USP6NL: variants seen among roughly 807,000 people sequenced by gnomAD.
The protein encoded by USP6NL is USP6 N-terminal like.
USP6NL carries 26 observed loss-of-function variants against 61.9 expected under a neutral mutation model. That is an observed-to-expected ratio of 0.42 (90% CI 0.31 to 0.58). USP6NL has a LOEUF of 0.58. Ranked by LOEUF, USP6NL falls within the 20% of genes least tolerant of loss-of-function variation. The pLI is 0.16. For synonymous variants in USP6NL, 432 were observed against 390.1 expected, an observed-to-expected ratio of 1.11 and a Z score of -1.27; for missense variants, 1,114 against 1,034.3, an observed-to-expected ratio of 1.08 and a Z score of -1.06.
intron 2 of USP6NL, among the ~76,000 whole-genome samples, chr10:11,580,195 T>C (rs1483899931): frequency 6.6e-6 from 1 of 152,206 alleles, no homozygotes; most frequent in African/African-American, 2.4e-5. Flanking sequence ...TCTGAAGCTT[T>C]CCTATTATAG....
In USP6NL at chr10:11,510,737, T is replaced by C. The variant is rs1229069643; in HGVS notation, c.196-1062A>G. 1.3e-5 allele frequency among the ~76,000 whole-genome samples: 2 copies of C among 152,266 alleles called. No individual in the cohort carries two copies. The highest frequency in any genetic ancestry group is 1.3e-4 in the Admixed American group (2 of 15,286). Reference sequence around the variant, plus strand: ...TTTATACTCAAGGATGCATGCTCACTGCAACCCCACGAGGTAGGTATGATT... The same window carrying C: ...TTTATACTCAAGGATGCATGCTCACCGCAACCCCACGAGGTAGGTATGATT... On this transcript the variant is annotated intron_variant, in intron 5 of 14. Transcript: ENST00000609104. This position sits in a 1 kb window ranked among gnomAD's most constrained non-coding sequence, Gnocchi z 4.8.
chr10:11,579,025 A>G (rs1323109624), intron 2 of USP6NL, among the ~76,000 whole-genome samples: 1 of 152,240 alleles, frequency 6.6e-6, no homozygotes, highest in Non-Finnish European at 1.5e-5. Flanking sequence ...GTTGTTAAAC[A>G]TTTACCAGCA....
intron 5 of USP6NL, among the ~76,000 whole-genome samples, chr10:11,515,950 T>C (rs1834938821): frequency 6.6e-6 from 1 of 152,298 alleles, no homozygotes; most frequent in African/African-American, 2.4e-5. Flanking sequence ...GGTTCCAATA[T>C]CCTATACACC....
chr10:11,462,294 G>C lies in USP6NL; in HGVS notation c.*147C>G. 1 of 963,510 alleles carries C rather than the reference G, an allele frequency of 1.0e-6. No homozygotes were observed. The highest frequency in any genetic ancestry group is 2.6e-5 in the East Asian group (1 of 37,774). The allele number at this position is 963,510 out of a possible 1,614,324, so 59.7% of individuals were successfully genotyped here. ...TAAGCAGCATCTACGTGGGGCTGAA[G>C]ACATTTCCCTGTATTCTTACTACTA... On this transcript the variant is annotated 3_prime_UTR_variant, in exon 15 of 15. Transcript: ENST00000609104.
intron 13 of USP6NL, among the ~76,000 whole-genome samples, chr10:11,484,723 A>G (rs1260035030): frequency 1.3e-5 from 2 of 152,198 alleles, no homozygotes; most frequent in Non-Finnish European, 2.9e-5. Flanking sequence ...CATTCTATAA[A>G]AGTGTGAAAA....
rs1048256259 is a variant in USP6NL, at chr10:11,592,812, C to T, written c.4+4819G>A. Among the ~76,000 whole-genome samples the T allele has an allele frequency of 1.2e-4, 18 of 152,208 alleles. No individual in the cohort carries two copies. The highest frequency in any genetic ancestry group is 6.5e-5 in the Admixed American group (1 of 15,284). On this transcript the variant is annotated intron_variant, in intron 2 of 14. Coordinates refer to ENST00000609104, the MANE Select transcript of USP6NL (RefSeq NM_014688.5). The surrounding 1 kb of genome is among the most constrained non-coding windows in gnomAD (Gnocchi z 4.7). ...AGTAAGACTCTGAAGAATCCTTCTA[C>T]TACCACTGAGAGATTTAGTAATCTA...
rs183706981 is a variant in USP6NL at position 11,494,099 on chromosome 10, G to A, written c.385-871C>T. 2.7e-3 allele frequency among the ~76,000 whole-genome samples: 408 copies of A among 152,310 alleles called. 6 individuals are homozygous for A. Among genetic ancestry groups the A allele is most frequent in the Non-Finnish European group, 1.9e-3 (129 of 68,020 alleles). ...AAAATTTTTGAAACTTTGAATATCT[G>A]ATCATTCTACCCTCTTATTTAACTA... On this transcript the variant is annotated intron_variant, in intron 7 of 14. Coordinates refer to ENST00000609104, the MANE Select transcript of USP6NL (RefSeq NM_014688.5).
At chr10:11,502,794 A>G (rs1351620283) in intron 6 of USP6NL, among the ~76,000 whole-genome samples, 1 of 152,240 alleles carries the variant, frequency 6.6e-6, no homozygotes, top group African/African-American at 2.4e-5. Context: ...ATAATGACTT[A>G]CAAAATTTGT....
chr10:11,606,024 T>C (rs1838696426), intron 1 of USP6NL, among the ~76,000 whole-genome samples: 1 of 152,044 alleles, frequency 6.6e-6, no homozygotes, highest in Non-Finnish European at 1.5e-5. Flanking sequence ...ATGCCCCATA[T>C]ATCTCAAACA....
intron 2 of USP6NL, among the ~76,000 whole-genome samples, chr10:11,559,528 G>C (rs1203770056): frequency 6.6e-6 from 1 of 151,882 alleles, no homozygotes; most frequent in Non-Finnish European, 1.5e-5. Flanking sequence ...GTCTCGTTTC[G>C]ACCTTTATTA....
rs967248267 is a variant in USP6NL at position 11,548,597 on chromosome 10, T to C, written c.5-21030A>G. On this transcript the variant is annotated intron_variant, in intron 2 of 14. Coordinates refer to ENST00000609104, the MANE Select transcript of USP6NL (RefSeq NM_014688.5). The surrounding 1 kb of genome is among the most constrained non-coding windows in gnomAD (Gnocchi z 4.3). ...CTCCTTCCCTTCATAAATCCAACAATTGTAACTAAATTTTCACCCTAGCCA... is the reference window on the plus strand; with the variant it reads ...CTCCTTCCCTTCATAAATCCAACAACTGTAACTAAATTTTCACCCTAGCCA... 2.0e-5 allele frequency among the ~76,000 whole-genome samples: 3 copies of C among 152,146 alleles called. No homozygotes were observed. Among genetic ancestry groups the C allele is most frequent in the Admixed American group, 6.5e-5 (1 of 15,270 alleles).
chr10:11,473,929 A>G (rs979468664), intron 14 of USP6NL, among the ~76,000 whole-genome samples: 1 of 152,204 alleles, frequency 6.6e-6, no homozygotes, highest in Non-Finnish European at 1.5e-5. Context: ...AGGAGAAGGA[A>G]GAATGAGGTG....
intron 2 of USP6NL, among the ~76,000 whole-genome samples, chr10:11,586,689 G>A (rs1837976858): frequency 6.6e-6 from 1 of 151,962 alleles, no homozygotes; most frequent in Admixed American, 6.6e-5. Flanking sequence ...TTTTAATGTT[G>A]TGGTTAACAA....
At chr10:11,521,239 T>G (rs1196683790) in intron 4 of USP6NL, among the ~76,000 whole-genome samples, 2 of 150,384 alleles carry the variant, frequency 1.3e-5, no homozygotes, top group African/African-American at 4.9e-5. Context: ...AAGTTTAAAT[T>G]TAAGCCAGTC....
In USP6NL at chr10:11,597,226, G is replaced by T. The variant is rs997096393; in HGVS notation, c.4+405C>A. ...CAGAGACATTGATAGATTGTTAGGGGTTTTTTTTCCCTTAAATACAATATA... is the reference window on the plus strand; with the variant it reads ...CAGAGACATTGATAGATTGTTAGGGTTTTTTTTTCCCTTAAATACAATATA... On this transcript the variant is annotated intron_variant, in intron 2 of 14. Transcript: ENST00000609104. The surrounding 1 kb of genome is among the most constrained non-coding windows in gnomAD (Gnocchi z 4.6). Among the ~76,000 whole-genome samples, 25 of 151,966 alleles carry T rather than the reference G, an allele frequency of 1.6e-4. No homozygotes were observed. The highest frequency in any genetic ancestry group is 1.7e-4 in the African/African-American group (7 of 41,422).
rs953642846 is a variant in USP6NL, at chr10:11,592,950, C to G, written c.4+4681G>C. 1.3e-5 allele frequency among the ~76,000 whole-genome samples: 2 copies of G among 152,208 alleles called. No individual in the cohort carries two copies. Among genetic ancestry groups the G allele is most frequent in the Admixed American group, 1.3e-4 (2 of 15,280 alleles). ...GTGAATGAAGGTCTTTACTCCTATA[C>G]TATTAGAAAACCACAAATACACTAC... On this transcript the variant is annotated intron_variant, in intron 2 of 14. Transcript: ENST00000609104. This position sits in a 1 kb window ranked among gnomAD's most constrained non-coding sequence, Gnocchi z 4.7.
At chr10:11,572,305 G>C (rs527268008) in intron 2 of USP6NL, among the ~76,000 whole-genome samples, 5 of 152,114 alleles carry the variant, frequency 3.3e-5, no homozygotes, top group Non-Finnish European at 7.4e-5. Context: ...GCTATTTAGA[G>C]ATGGGAATGT....
rs550694452 is a variant in USP6NL, at chr10:11,468,253, C to T, written c.1079-4404G>A. ...TGGAACTACATTTTTCTTATCGCTG[C>T]CCTTCAAACACCTGCTTGGCTCCAC... is the stretch of plus-strand genomic sequence containing the variant. On this transcript the variant is annotated intron_variant, in intron 14 of 14. Transcript: ENST00000609104. This position sits in a 1 kb window ranked among gnomAD's most constrained non-coding sequence, Gnocchi z 4.5. 1.3e-5 allele frequency among the ~76,000 whole-genome samples: 2 copies of T among 152,252 alleles called. No homozygotes were observed. The highest frequency in any genetic ancestry group is 6.5e-5 in the Admixed American group (1 of 15,292).
intron 2 of USP6NL, among the ~76,000 whole-genome samples, chr10:11,583,771 T>C (rs538463125): frequency 1.2e-4 from 19 of 152,336 alleles, no homozygotes; most frequent in African/African-American, 4.1e-4. Flanking sequence ...CTCATGCCTG[T>C]AATCCCAGTA....
Sources: gnomAD v4.1 joint callset for allele counts (sites outside exome capture counted in the v4.1 genomes callset) on GRCh38, gnomAD v4.1.1 for gene constraint, Gnocchi (gnomAD v3.1) non-coding constraint, MANE v1.5 for transcripts, NCBI Gene and HGNC (gene_info 2026-07-23, HGNC 2026-07-21) for gene names.